KCNQ4: variants seen among roughly 807,000 people sequenced by gnomAD.
KCNQ4 encodes the protein potassium voltage-gated channel subfamily KQT member 4.
A neutral mutation model predicts 72.6 loss-of-function variants in KCNQ4; 31 were observed. That is an observed-to-expected ratio of 0.43 (90% confidence interval 0.32 to 0.58). KCNQ4 has a LOEUF of 0.58. Ranked by LOEUF, KCNQ4 falls within the 20% of genes least tolerant of loss-of-function variation. The pLI is 0.08. For synonymous variants in KCNQ4, 405 were observed against 403.7 expected, an observed-to-expected ratio of 1.00 and a Z score of -0.04; for missense variants, 869 against 962.6, an observed-to-expected ratio of 0.90 and a Z score of 1.29.
chr1:40,818,022 C>T, intron 2 of KCNQ4, 142 bp from the exon 3 acceptor site: 2 of 1,064,788 alleles, frequency 1.9e-6, no homozygotes. Context: ...CCTCCGGAAT[C>T]GTCAAGTCCA....
intron 9 of KCNQ4, among the ~76,000 whole-genome samples, chr1:40,827,246 C>T (rs890004813): frequency 3.3e-5 from 5 of 152,152 alleles, no homozygotes; most frequent in Admixed American, 2.0e-4. Context: ...AATAAAACAT[C>T]GTCCTCGGAG....
At chr1:40,801,600 G>T (rs866610566) in intron 1 of KCNQ4, among the ~76,000 whole-genome samples, 1 of 152,336 alleles carries the variant, frequency 6.6e-6, no homozygotes. Flanking sequence ...CATTGAGGGG[G>T]GCGGGAGAAC....
rs993321626 is a variant in KCNQ4, at chr1:40,838,243, C to T, written c.1876-68C>T. The T allele has an allele frequency of 3.5e-6, 5 of 1,421,260 alleles. No individual in the cohort carries two copies. In the African/African-American group the frequency reaches 7.1e-5, roughly 20 times the overall value. 88.0% of individuals were successfully genotyped at this position (1,421,260 alleles called of 1,614,324 possible). On this transcript the variant is annotated intron_variant, in intron 13 of 13. Coordinates refer to ENST00000347132, the MANE Select transcript of KCNQ4 (RefSeq NM_004700.4). ...ACCGGCTAGGGTCCGCCCCGAGACC[C>T]AAGCCCCGCCCCCGGCCGCGTCCCC... is the stretch of plus-strand genomic sequence containing the variant.
rs556044260 is a variant in KCNQ4, at chr1:40,815,538, G to T, written c.315-1727G>T. On this transcript the variant is annotated intron_variant, in intron 1 of 13. Transcript: ENST00000347132. ...TTTGTGATTAATTATTGAACATGAG[G>T]AGCTGGTGCTCTTCTCTTCTGTTCT... is the stretch of plus-strand genomic sequence containing the variant. 5.3e-5 allele frequency among the ~76,000 whole-genome samples: 8 copies of T among 152,278 alleles called. No homozygotes were observed. The South Asian group carries it at 1.2e-3, about 24-fold the overall frequency.
At chr1:40,812,281 G>C (rs527408980) in intron 1 of KCNQ4, among the ~76,000 whole-genome samples, 1 of 152,054 alleles carries the variant, frequency 6.6e-6, no homozygotes, top group Non-Finnish European at 1.5e-5. Context: ...TTGAGATACA[G>C]AGTCTGGCTC....
intron 9 of KCNQ4, chr1:40,826,792 T>TGCCTGCC (rs1648492596): frequency 2.6e-6 from 1 of 390,770 alleles, no homozygotes; most frequent in Non-Finnish European, 5.3e-6. Flanking sequence ...AAGGTGCATG[T>TGCCTGCC]GCCTGCCGCC....
intron 1 of KCNQ4, among the ~76,000 whole-genome samples, chr1:40,798,063 G>A (rs540603551): frequency 3.3e-5 from 5 of 152,262 alleles, no homozygotes; most frequent in African/African-American, 1.2e-4. Context: ...CAGAGTCCTG[G>A]CAGTTCAGCC....
intron 1 of KCNQ4, among the ~76,000 whole-genome samples, chr1:40,796,890 C>T (rs1647429561): frequency 6.6e-6 from 1 of 151,102 alleles, no homozygotes; most frequent in Non-Finnish European, 1.5e-5. Flanking sequence ...TGCACTCCAG[C>T]CTGGATGACA....
At position 40,812,241 on chromosome 1, in the gene KCNQ4, G is replaced by A. The variant is rs963555382; in HGVS notation, c.315-5024G>A. Among the ~76,000 whole-genome samples the A allele has an allele frequency of 2.0e-5, 3 of 152,258 alleles. No individual in the cohort carries two copies. The South Asian group carries it at 6.2e-4, about 32-fold the overall frequency. ...GCTGGAAGATATGGATAATTATTCA[G>A]GTGCCTGGAACACAGGATCTTTTCT... On this transcript the variant is annotated intron_variant, in intron 1 of 13. Coordinates refer to ENST00000347132, the MANE Select transcript of KCNQ4 (RefSeq NM_004700.4).
At chr1:40,813,491 G>A (rs1004369610) in intron 1 of KCNQ4, among the ~76,000 whole-genome samples, 6 of 152,148 alleles carry the variant, frequency 3.9e-5, no homozygotes, top group Non-Finnish European at 7.3e-5. Context: ...TGAGCCCTGG[G>A]GGAGCCGTGG....
At chr1:40,818,366 T>C in intron 3 of KCNQ4, 76 bp downstream of exon 3, 3 of 1,601,856 alleles carry the variant, frequency 1.9e-6, no homozygotes, top group Non-Finnish European at 2.6e-6. Context: ...CAATCCCGAC[T>C]CTGACCCTGG....
At chr1:40,823,503 C>A (rs1446327058) in intron 8 of KCNQ4, among the ~76,000 whole-genome samples, 1 of 152,210 alleles carries the variant, frequency 6.6e-6, no homozygotes, top group Non-Finnish European at 1.5e-5. Context: ...TCTGGATCCA[C>A]TGGGCATCTG....
intron 1 of KCNQ4, among the ~76,000 whole-genome samples, chr1:40,786,718 C>T (rs1335598716): frequency 6.6e-6 from 1 of 152,156 alleles, no homozygotes; most frequent in Non-Finnish European, 1.5e-5. Context: ...GTAGAAACCC[C>T]AACCTTGCGG....
chr1:40,801,772 A>G (rs1024414860), intron 1 of KCNQ4, among the ~76,000 whole-genome samples: 1 of 152,206 alleles, frequency 6.6e-6, no homozygotes, highest in Admixed American at 6.5e-5. Context: ...TCCCATGCCC[A>G]GGATGCCAGC....
intron 1 of KCNQ4, among the ~76,000 whole-genome samples, chr1:40,806,554 G>A (rs547711550): frequency 2.8e-4 from 43 of 152,354 alleles, no homozygotes; most frequent in Non-Finnish European, 6.0e-4. Flanking sequence ...CAAACACCTT[G>A]TCTAGAAGAC....
At chr1:40,818,797 C>T in intron 4 of KCNQ4, 117 bp downstream of exon 4, 1 of 1,210,028 alleles carries the variant, frequency 8.3e-7, no homozygotes, top group Non-Finnish European at 1.2e-6. Context: ...AGGGGTGTGG[C>T]CTGCGGGGGT....
intron 6 of KCNQ4, 41 bp from the exon 7 acceptor site, chr1:40,820,124 C>A (rs1022383238): frequency 6.4e-7 from 1 of 1,568,424 alleles, no homozygotes; most frequent in Non-Finnish European, 8.7e-7. Flanking sequence ...ACTGCCCCAC[C>A]ACTGCCAGCA....
chr1:40,830,989 A>G, intron 9 of KCNQ4, 95 bp from the exon 10 acceptor site: 1 of 1,051,052 alleles, frequency 9.5e-7, no homozygotes, highest in Non-Finnish European at 1.4e-6. Context: ...CAGACCTAAT[A>G]GCCACCCCCA....
In KCNQ4 at chr1:40,838,360, G is replaced by C; in HGVS notation, c.1925G>C (p.Arg642Pro). Residue 642 changes from arginine (R) to proline (P), a missense_variant, in exon 14 of 14, where the codon CGC becomes CCC. By Grantham distance (103) the Arg-to-Pro change is moderately radical. Around this residue, in one of 5 missense-constraint regions of KCNQ4, gnomAD observed 480 missense variants for 501.9 expected, o/e 0.96. Transcript: ENST00000347132. The part of the protein sequence containing the change: ...KLDLLLGFYS[R>P]CLRSGTSASL... ...GACCTGCTGTTGGGCTTCTATTCGC[G>C]CTGCCTGCGCTCTGGCACCTCGGCC... is the stretch of plus-strand genomic sequence containing the variant. 6.2e-7 allele frequency: 1 copy of C among 1,613,844 alleles called. No homozygotes were observed. The highest frequency in any genetic ancestry group is 8.5e-7 in the Non-Finnish European group (1 of 1,179,920).
Sources: allele counts gnomAD v4.1 joint callset (sites outside exome capture counted in the v4.1 genomes callset), GRCh38; gene constraint gnomAD v4.1.1; regional missense constraint gnomAD v4.1.1; transcripts MANE v1.5; gene names NCBI Gene and HGNC (gene_info 2026-07-23, HGNC 2026-07-21).